SAMD12: variants seen among roughly 807,000 people sequenced by gnomAD.
SAMD12 encodes sterile alpha motif domain containing 12.
A neutral mutation model predicts 15.0 loss-of-function variants in SAMD12; 9 were observed. The observed-to-expected ratio is 0.60, with a 90% CI of 0.36 to 1.05. The LOEUF (loss-of-function observed/expected upper bound fraction) is 1.05. Among genes scored for constraint, SAMD12 ranks in the 50% least tolerant of loss-of-function variants. The pLI, the probability that SAMD12 is intolerant of heterozygous loss-of-function variation, is 0.01. For missense variants in SAMD12, 230 were observed against 234.2 expected, an observed-to-expected ratio of 0.98 and a Z score of 0.12; for synonymous variants, 86 against 90.1, an observed-to-expected ratio of 0.96 and a Z score of 0.25.
intron 4 of SAMD12, among the ~76,000 whole-genome samples, chr8:118,228,581 A>C (rs1000649080): frequency 6.6e-6 from 1 of 152,174 alleles, no homozygotes; most frequent in African/African-American, 2.4e-5. Flanking sequence ...TCAAAACCAC[A>C]ATGCAATACC....
intron 1 of SAMD12, among the ~76,000 whole-genome samples, chr8:118,610,559 A>G (rs994648089): frequency 1.3e-5 from 2 of 152,234 alleles, no homozygotes; most frequent in African/African-American, 2.4e-5. Flanking sequence ...AGCTCACTGC[A>G]TTACGAAATC....
At chr8:118,538,791 T>C (rs1023156496) in intron 2 of SAMD12, among the ~76,000 whole-genome samples, 6 of 152,234 alleles carry the variant, frequency 3.9e-5, no homozygotes, top group African/African-American at 1.2e-4. Flanking sequence ...AATTAGGTGT[T>C]CCTGCAGGAA....
chr8:118,532,497 A>G (rs554029293), intron 2 of SAMD12, among the ~76,000 whole-genome samples: 1 of 152,308 alleles, frequency 6.6e-6, no homozygotes, highest in Non-Finnish European at 1.5e-5. Flanking sequence ...TGATTGGAAT[A>G]GTTTCAGAAG....
At chr8:118,436,204 T>C (rs1321939467) in intron 3 of SAMD12, among the ~76,000 whole-genome samples, 2 of 152,170 alleles carry the variant, frequency 1.3e-5, no homozygotes, top group Non-Finnish European at 2.9e-5. Flanking sequence ...ACCTGGTACA[T>C]GGTAGATGGT....
intron 2 of SAMD12, among the ~76,000 whole-genome samples, chr8:118,551,525 CA>C (rs1826335072): frequency 6.6e-6 from 1 of 151,962 alleles, no homozygotes; most frequent in African/African-American, 2.4e-5. Context: ...ACATTCAAAG[CA>C]GTGTGTAGAG....
chr8:118,483,385 G>A (rs1173056812), intron 2 of SAMD12, among the ~76,000 whole-genome samples: 2 of 152,160 alleles, frequency 1.3e-5, no homozygotes, highest in Non-Finnish European at 2.9e-5. Flanking sequence ...TAAGAACCTT[G>A]TCTTAAATCA....
intron 2 of SAMD12, among the ~76,000 whole-genome samples, chr8:118,549,879 A>G (rs1379277102): frequency 6.6e-6 from 1 of 152,354 alleles, no homozygotes; most frequent in East Asian, 1.9e-4. Context: ...TACATGAAGA[A>G]TGCAGAAGCC....
At chr8:118,473,487 C>A (rs1214195523) in intron 2 of SAMD12, among the ~76,000 whole-genome samples, 1 of 152,192 alleles carries the variant, frequency 6.6e-6, no homozygotes, top group Non-Finnish European at 1.5e-5. Flanking sequence ...CTTTAAGAAT[C>A]ACTGATGTTT....
Position 118,556,204 on chromosome 8 carries a change from G to C in SAMD12, c.192+24511C>G, listed in dbSNP as rs184357583. ...ATCAACCAGTGACCTTAATAAACAA[G>C]TGTCAAAGATTTAAATGGAAAACAA... On this transcript the variant is annotated intron_variant, in intron 2 of 3. Coordinates refer to ENST00000314727, the MANE Select transcript of SAMD12 (RefSeq NM_207506.3). 6.9e-3 allele frequency among the ~76,000 whole-genome samples: 1,052 copies of C among 152,294 alleles called. 5 individuals carry two copies. Among genetic ancestry groups the C allele is most frequent in the Middle Eastern group, 0.02 (6 of 294 alleles).
At chr8:118,417,693 T>TCCAAA (rs1821772845) in intron 3 of SAMD12, among the ~76,000 whole-genome samples, 1 of 152,008 alleles carries the variant, frequency 6.6e-6, no homozygotes, top group Admixed American at 6.6e-5. Context: ...AAATTAAAGA[T>TCCAAA]CCAAACCACA....
At chr8:118,563,219 A>C (rs1826757837) in intron 2 of SAMD12, among the ~76,000 whole-genome samples, 1 of 152,254 alleles carries the variant, frequency 6.6e-6, no homozygotes, top group Admixed American at 6.5e-5. Context: ...TGGGTTCACC[A>C]GTGTTAATTT....
chr8:118,179,512 G>A, the SAMD12 span, among the ~76,000 whole-genome samples: 1 of 152,022 alleles, frequency 6.6e-6, no homozygotes, highest in African/African-American at 2.4e-5. Context: ...CCAGGTACGA[G>A]GGGTAGTATT....
At chr8:118,576,455 C>T (rs1315611702) in intron 2 of SAMD12, among the ~76,000 whole-genome samples, 2 of 152,188 alleles carry the variant, frequency 1.3e-5, no homozygotes, top group African/African-American at 4.8e-5. Context: ...ATGTTGAACA[C>T]ACCTGGGCAT....
chr8:118,195,784 A>C (rs1433957614), exon 5 of SAMD12: 1 of 152,396 alleles, frequency 6.6e-6, no homozygotes. Flanking sequence ...CTTGGCACAT[A>C]GTAGATGCTC....
At chr8:118,277,581 TAAA>T (rs1373853636) in intron 4 of SAMD12, among the ~76,000 whole-genome samples, 14 of 125,148 alleles carry the variant, frequency 1.1e-4, no homozygotes, top group Admixed American at 1.7e-4. Flanking sequence ...GTCTCCTGAG[TAAA>T]AAAAAAAAAA....
chr8:118,576,702 G>C (rs868465032), intron 2 of SAMD12, among the ~76,000 whole-genome samples: 12 of 152,172 alleles, frequency 7.9e-5, no homozygotes, highest in Admixed American at 2.6e-4. Flanking sequence ...TGGTTTTTTG[G>C]AAACTGCTAT....
intron 2 of SAMD12, among the ~76,000 whole-genome samples, chr8:118,560,912 A>G (rs1586819984): frequency 6.6e-6 from 1 of 152,340 alleles, no homozygotes; most frequent in East Asian, 1.9e-4. Context: ...CAAACAGTCA[A>G]AATATGAAAA....
At chr8:118,572,602 T>TA (rs1398029061) in intron 2 of SAMD12, among the ~76,000 whole-genome samples, 2 of 151,776 alleles carry the variant, frequency 1.3e-5, no homozygotes, top group South Asian at 2.1e-4. Context: ...TGATGGTATT[T>TA]AAAAAAAGGA....
chr8:118,223,698 G>A (rs1222704127), intron 4 of SAMD12, among the ~76,000 whole-genome samples: 2 of 152,132 alleles, frequency 1.3e-5, no homozygotes, highest in Non-Finnish European at 2.9e-5. Context: ...CCCATCTCAA[G>A]TTCTTTGATG....
Sources: allele counts gnomAD v4.1 joint callset (sites outside exome capture counted in the v4.1 genomes callset), GRCh38; gene constraint gnomAD v4.1.1; transcripts MANE v1.5; gene names NCBI Gene and HGNC (gene_info 2026-07-23, HGNC 2026-07-21).